The following CAV2 variants were observed in gnomAD, a reference collection of about 807,000 sequenced individuals.
CAV2 encodes caveolin 2, also known as caveolin-2.
In CAV2, 7 loss-of-function variants were observed where a neutral mutation model predicts 15.5. The ratio of observed to expected loss-of-function variants is 0.45; its 90% CI spans 0.26 to 0.85. The LOEUF (loss-of-function observed/expected upper bound fraction) is 0.85. Among genes scored for constraint, CAV2 ranks in the 40% least tolerant of loss-of-function variants. The pLI is 0.18. For synonymous variants in CAV2, 76 were observed against 83.1 expected, an observed-to-expected ratio of 0.91 and a Z score of 0.46; for missense variants, 229 against 208.8, an observed-to-expected ratio of 1.10 and a Z score of -0.60.
chr7:116,500,230 G>A, intron 1 of CAV2, 30 bp from the exon 2 acceptor site: 1 of 1,604,486 alleles, frequency 6.2e-7, no homozygotes, highest in Non-Finnish European at 8.5e-7. Context: ...TTGGCTGACA[G>A]TTCGGGGTCC....
intron 2 of CAV2, among the ~76,000 whole-genome samples, chr7:116,505,747 C>A (rs1793218271): frequency 6.6e-6 from 1 of 152,140 alleles, no homozygotes; most frequent in Non-Finnish European, 1.5e-5. Context: ...ATCCAATTAT[C>A]CCCACTCGGC....
At position 116,504,326 on chromosome 7, in the gene CAV2, A is replaced by T. The variant is rs115830516; in HGVS notation, c.339-1645A>T. Among the ~76,000 whole-genome samples, 420 of 152,312 alleles carry T rather than the reference A, an allele frequency of 2.8e-3. 1 individual carries two copies. The highest frequency in any genetic ancestry group is 9.8e-3 in the African/African-American group (408 of 41,568). On this transcript the variant is annotated intron_variant, in intron 2 of 2. Coordinates refer to ENST00000222693, the MANE Select transcript of CAV2 (RefSeq NM_001233.5). ...AATTTGTAGCAACATGCCCAAGACC[A>T]CATATCAAGTGAGAAATATAATAGA...
chr7:116,505,757 C>A (rs1793218657), intron 2 of CAV2, among the ~76,000 whole-genome samples: 1 of 152,182 alleles, frequency 6.6e-6, no homozygotes, highest in Admixed American at 6.5e-5. Context: ...CCCCACTCGG[C>A]CCCACCTCCA....
At chr7:116,503,931 G>A (rs182609738) in intron 2 of CAV2, among the ~76,000 whole-genome samples, 5 of 92,312 alleles carry the variant, frequency 5.4e-5, no homozygotes, top group Admixed American at 2.5e-4. Flanking sequence ...GGAAGGGAGG[G>A]AGGGAGGGAG....
chr7:116,507,795 G>A lies in CAV2; in HGVS notation c.*1674G>A, dbSNP rs1793277358. On this transcript the variant is annotated 3_prime_UTR_variant, in exon 3 of 3. Transcript: ENST00000222693. ...ACTAAAATTTACACATCTTAAAAGT[G>A]TGTAAATGCTTAAATTTCAGAATTA... 6.6e-6 allele frequency: 1 copy of A among 152,152 alleles called. No homozygotes were observed. The highest frequency in any genetic ancestry group is 2.1e-4 in the South Asian group (1 of 4,826). The allele number at this position is 152,152 out of a possible 1,614,324, so 9.4% of individuals were successfully genotyped here. A position where few individuals can be genotyped will look rare whatever the true frequency, so the allele number is the denominator to read the frequency against.
At chr7:116,505,733 T>C (rs1023701999) in intron 2 of CAV2, among the ~76,000 whole-genome samples, 4 of 152,186 alleles carry the variant, frequency 2.6e-5, no homozygotes, top group Non-Finnish European at 5.9e-5. Context: ...ATCTACCCGC[T>C]GTGATCCAAT....
At chr7:116,505,727 A>C (rs1350864701) in intron 2 of CAV2, among the ~76,000 whole-genome samples, 1 of 152,130 alleles carries the variant, frequency 6.6e-6, no homozygotes, top group Non-Finnish European at 1.5e-5. Context: ...TGAGGGATCT[A>C]CCCGCTGTGA....
At position 116,499,922 on chromosome 7, in the gene CAV2, G is replaced by C. The variant is rs753283260; in HGVS notation, c.141G>C (p.Ser47=). 1.2e-6 allele frequency: 2 copies of C among 1,611,016 alleles called. No homozygotes were observed. The highest frequency in any genetic ancestry group is 3.3e-5 in the Admixed American group (2 of 59,718). ...DQDRDPHRLN[S]HLKLGFEDVI... ...ACCGGGATCCCCACCGGCTCAACTC[G>C]CATCTCAAGGTGAAGCCCGGGGCGG... The change falls in exon 1 of 3, where the codon TCG becomes TCC. Residue 47 remains serine, a synonymous_variant. Transcript: ENST00000222693.
chr7:116,504,278 G>C (rs190751741), intron 2 of CAV2, among the ~76,000 whole-genome samples: 24 of 152,184 alleles, frequency 1.6e-4, no homozygotes, highest in Admixed American at 1.3e-3. Flanking sequence ...AGCCAGTTCT[G>C]AGAGATCTCC....
chr7:116,504,027 A>G (rs1488062791), intron 2 of CAV2, among the ~76,000 whole-genome samples: 1 of 103,682 alleles, frequency 9.6e-6, no homozygotes, highest in Non-Finnish European at 2.0e-5. Context: ...AGAAAGAAAG[A>G]AAGAGAAAGA....
chr7:116,504,026 GA>G (rs1177391059), intron 2 of CAV2, among the ~76,000 whole-genome samples: 2 of 103,532 alleles, frequency 1.9e-5, no homozygotes, highest in Non-Finnish European at 3.9e-5. Context: ...AAGAAAGAAA[GA>G]AAGAGAAAGA....
At chr7:116,503,234 G>C (rs1260074010) in intron 2 of CAV2, among the ~76,000 whole-genome samples, 1 of 150,974 alleles carries the variant, frequency 6.6e-6, no homozygotes, top group Admixed American at 6.6e-5. Context: ...CCAAATTTTG[G>C]GTCAATCAGA....
rs771170610 is a variant in CAV2 at position 116,500,304 on chromosome 7, C to G, written c.195C>G (p.Ser65=). ...TCGCAGAGCCGGTGACTACGCACTC[C>G]TTTGACAAAGTGTGGATCTGCAGCC... ...DVIAEPVTTH[S]FDKVWICSHA... The change falls in exon 2 of 3, where the codon TCC becomes TCG. Residue 65 remains serine, a synonymous_variant. Transcript: ENST00000222693. The G allele has an allele frequency of 3.1e-6, 5 of 1,614,238 alleles. No homozygotes were observed. In the East Asian group the frequency reaches 8.9e-5, roughly 29 times the overall value.
Position 116,499,778 on chromosome 7 carries a change from T to G in CAV2, c.-4T>G, listed in dbSNP as rs1235965425. 1.0e-5 allele frequency: 16 copies of G among 1,549,438 alleles called. No homozygotes were observed. Among genetic ancestry groups the G allele is most frequent in the Non-Finnish European group, 1.4e-5 (16 of 1,149,982 alleles). Reference sequence around the variant, plus strand: ...GGCTGCAGCGGCCGCGCACCAAGGCTGCGATGGGGCTGGAGACGGAGAAGG... The same window carrying G: ...GGCTGCAGCGGCCGCGCACCAAGGCGGCGATGGGGCTGGAGACGGAGAAGG... On this transcript the variant is annotated 5_prime_UTR_variant, in exon 1 of 3. Coordinates refer to ENST00000222693, the MANE Select transcript of CAV2 (RefSeq NM_001233.5).
chr7:116,506,070 G>A lies in CAV2; in HGVS notation c.438G>A (p.Thr146=), dbSNP rs576558065. 3.7e-5 allele frequency: 59 copies of A among 1,613,952 alleles called. No homozygotes were observed. Among genetic ancestry groups the A allele is most frequent in the Middle Eastern group, 1.6e-4 (1 of 6,062 alleles). Residue 146 remains threonine (T), a synonymous_variant, in exon 3 of 3, where the codon ACG becomes ACA. Transcript: ENST00000222693. ...VTDVIIAPLC[T]SVGRCFSSVS... is the part of the protein sequence containing the mutation. ...ATGTTATCATTGCTCCATTGTGTACGAGCGTAGGACGATGCTTCTCTTCTG... is the reference window on the plus strand; with the variant it reads ...ATGTTATCATTGCTCCATTGTGTACAAGCGTAGGACGATGCTTCTCTTCTG...
At position 116,499,930 on chromosome 7, in the gene CAV2, A is replaced by G; in HGVS notation, c.149A>G (p.Lys50Arg). Residue 50 changes from lysine (K) to arginine (R), a missense_variant and splice_region_variant, in exon 1 of 3, where the codon AAG becomes AGG. Coordinates refer to ENST00000222693, the MANE Select transcript of CAV2 (RefSeq NM_001233.5). The stretch of plus-strand genomic sequence containing the variant: ...CCCCACCGGCTCAACTCGCATCTCA[A>G]GGTGAAGCCCGGGGCGGGCGGGCCC... ...RDPHRLNSHL[K>R]LGFEDVIAEP... is the part of the protein sequence containing the mutation. The G allele has an allele frequency of 6.2e-7, 1 of 1,610,356 alleles. No homozygotes were observed. Among genetic ancestry groups the G allele is most frequent in the Non-Finnish European group, 8.5e-7 (1 of 1,178,910 alleles).
intron 1 of CAV2, 119 bp downstream of exon 1, chr7:116,500,050 C>T (rs533493704): frequency 1.3e-6 from 2 of 1,483,516 alleles, no homozygotes; most frequent in Non-Finnish European, 1.8e-6. Context: ...GGGTCTGAGA[C>T]CCGCACCCTT....
intron 2 of CAV2, among the ~76,000 whole-genome samples, chr7:116,502,419 C>T (rs111440498): frequency 5.2e-4 from 79 of 152,182 alleles, no homozygotes; most frequent in African/African-American, 1.8e-3. Context: ...ACATTTGTCA[C>T]CAGGCAGCTG....
rs1488404598 is a variant in CAV2, at chr7:116,506,168, T to C, written c.*47T>C. On this transcript the variant is annotated 3_prime_UTR_variant, in exon 3 of 3. Coordinates refer to ENST00000222693, the MANE Select transcript of CAV2 (RefSeq NM_001233.5). Reference sequence around the variant, plus strand: ...AGATTGGGATACTGTAATACTTCTTTGTTATTATAACATAAAAGCACCACT... The same window carrying C: ...AGATTGGGATACTGTAATACTTCTTCGTTATTATAACATAAAAGCACCACT... The C allele has an allele frequency of 6.3e-7, 1 of 1,594,582 alleles. No individual in the cohort carries two copies.
Sources: allele counts gnomAD v4.1 joint callset (sites outside exome capture counted in the v4.1 genomes callset), GRCh38; gene constraint gnomAD v4.1.1; transcripts MANE v1.5; gene names NCBI Gene and HGNC (gene_info 2026-07-23, HGNC 2026-07-21).